The following BBS2 variants were observed in gnomAD, a reference collection of about 807,000 sequenced individuals.
BBS2 encodes the protein Bardet-Biedl syndrome 2.
Under a neutral mutation model 83.0 loss-of-function variants are expected in BBS2, and 62 were observed. The observed-to-expected ratio is 0.75, with a 90% CI of 0.61 to 0.92. The LOEUF is 0.92. BBS2 is among the 40% of genes least tolerant of loss of function. BBS2 has a pLI of 0.00. For synonymous variants in BBS2, 303 were observed against 326.1 expected, an observed-to-expected ratio of 0.93 and a Z score of 0.76; for missense variants, 784 against 901.0, an observed-to-expected ratio of 0.87 and a Z score of 1.66.
intron 17 of BBS2, chr16:56,478,799 C>T (rs759085827): frequency 6.6e-6 from 1 of 152,114 alleles, no homozygotes; most frequent in African/African-American, 2.4e-5. Context: ...AAAAGGGACT[C>T]GGGTGTCTGA....
intron 1 of BBS2, among the ~76,000 whole-genome samples, chr16:56,516,428 G>A (rs751837849): frequency 6.6e-6 from 1 of 152,160 alleles, no homozygotes; most frequent in African/African-American, 2.4e-5. Context: ...ACGGAGTCTT[G>A]CTCTATTGCC....
chr16:56,482,234 AGACTCAACAGTAG>A (rs1963674175), downstream of BBS2, among the ~76,000 whole-genome samples: 1 of 152,224 alleles, frequency 6.6e-6, no homozygotes, highest in African/African-American at 2.4e-5. Flanking sequence ...GTTAAAACAA[AGACTCAACAGTAG>A]GACTCAAGTT....
At chr16:56,482,788 C>T (rs1963684464), downstream of BBS2, among the ~76,000 whole-genome samples, 1 of 152,186 alleles carries the variant, frequency 6.6e-6, no homozygotes, top group African/African-American at 2.4e-5. Context: ...GAAGAGACTG[C>T]TAGCTATTGG....
rs368760651 is a variant in BBS2, at chr16:56,514,555, G to T, written c.243C>A (p.Gly81=). 6.2e-7 allele frequency: 1 copy of T among 1,614,054 alleles called. No homozygotes were observed. Among genetic ancestry groups the T allele is most frequent in the East Asian group, 2.2e-5 (1 of 44,868 alleles). ...CATAGCCAAGCTCAGGGTTCAATAC[G>T]CCTGCAGTCAGACAGCTGACTGCCT... The part of the protein sequence containing the change: ...INQAVSCLTA[G]VLNPELGYDA... Residue 81 remains glycine, a synonymous_variant, in exon 2 of 17, where the codon GGC becomes GGA. Transcript: ENST00000245157.
At chr16:56,502,201 G>A (rs1185406193) in intron 9 of BBS2, 116 bp downstream of exon 9, 14 of 1,399,750 alleles carry the variant, frequency 1.0e-5, no homozygotes, top group Non-Finnish European at 5.1e-6. Flanking sequence ...TTCTGACAAT[G>A]GCAAAAAGGC....
rs1318148004 is a variant in BBS2 at position 56,486,717 on chromosome 16, TACAA to T, written c.1911-983_1911-980del. 2.7e-5 allele frequency among the ~76,000 whole-genome samples: 4 copies of T among 150,110 alleles called. No individual in the cohort carries two copies. In the South Asian group the frequency reaches 6.3e-4, roughly 24 times the overall value. The stretch of plus-strand genomic sequence containing the variant: ...AACTGGAGGTTAGAAGAGGTATTGA[TACAA>T]ACAGTCACAAGAGTGACAGAAATAT... On this transcript the variant is annotated intron_variant, in intron 15 of 16. Transcript: ENST00000245157.
At chr16:56,477,549 T>G (rs1963537331) in intron 17 of BBS2, 1 of 152,350 alleles carries the variant, frequency 6.6e-6, no homozygotes, top group African/African-American at 2.4e-5. Context: ...AACTAATTGC[T>G]TTTTATTTTA....
chr16:56,506,761 C>T (rs1178715293), intron 5 of BBS2, among the ~76,000 whole-genome samples: 1 of 152,004 alleles, frequency 6.6e-6, no homozygotes, highest in Admixed American at 6.6e-5. Flanking sequence ...AAGTAAAAAC[C>T]CAGGCACGTG....
At chr16:56,513,925 G>A (rs1287380002) in intron 2 of BBS2, among the ~76,000 whole-genome samples, 2 of 152,144 alleles carry the variant, frequency 1.3e-5, no homozygotes, top group Non-Finnish European at 2.9e-5. Context: ...ACTACAAAAT[G>A]TATTCATATA....
chr16:56,514,433 G>T lies in BBS2; in HGVS notation c.345+20C>A. 1 of 1,599,272 alleles carries T rather than the reference G, an allele frequency of 6.3e-7. No homozygotes were observed. The highest frequency in any genetic ancestry group is 8.6e-7 in the Non-Finnish European group (1 of 1,166,764). The stretch of plus-strand genomic sequence containing the variant: ...ATTAATGAGTAATGACAATTTTATG[G>T]TTATAAAGGTTATACTTGCCTCTCT... On this transcript the variant is annotated intron_variant, in intron 2 of 16. Transcript: ENST00000245157.
At chr16:56,482,115 C>T (rs1357478678), downstream of BBS2, among the ~76,000 whole-genome samples, 1 of 152,106 alleles carries the variant, frequency 6.6e-6, no homozygotes, top group East Asian at 1.9e-4. Flanking sequence ...AACAGAGTGA[C>T]CTTTGATGAG....
At chr16:56,505,702 A>T (rs1434030848) in intron 7 of BBS2, among the ~76,000 whole-genome samples, 1 of 152,224 alleles carries the variant, frequency 6.6e-6, no homozygotes, top group Non-Finnish European at 1.5e-5. Flanking sequence ...TTCAAATAAG[A>T]GATTTAGACA....
chr16:56,511,413 G>C, intron 2 of BBS2, 129 bp from the exon 3 acceptor site: 1 of 1,267,276 alleles, frequency 7.9e-7, no homozygotes, highest in Non-Finnish European at 1.1e-6. Flanking sequence ...ATGTGGGTGG[G>C]CCTCACACAT....
intron 5 of BBS2, 91 bp from the exon 6 acceptor site, chr16:56,506,315 AC>A: frequency 1.1e-6 from 1 of 946,232 alleles, no homozygotes; most frequent in Admixed American, 1.9e-5. Context: ...ACTCCTTGTT[AC>A]AACTATGTTA....
chr16:56,482,965 C>T (rs1785558555), downstream of BBS2, among the ~76,000 whole-genome samples: 1 of 152,210 alleles, frequency 6.6e-6, no homozygotes, highest in Non-Finnish European at 1.5e-5. Flanking sequence ...CTCTCTTCTA[C>T]CGGCTCAGCT....
At chr16:56,500,606 C>G in intron 11 of BBS2, 1 of 416,604 alleles carries the variant, frequency 2.4e-6, no homozygotes, top group South Asian at 2.3e-5. Context: ...GCCTGGGTGA[C>G]AAAGCTAGAA....
intron 15 of BBS2, among the ~76,000 whole-genome samples, chr16:56,495,725 T>G (rs564140556): frequency 6.6e-6 from 1 of 152,062 alleles, no homozygotes; most frequent in African/African-American, 2.4e-5. Flanking sequence ...TTTTTCTAAG[T>G]GTGATATGGC....
At chr16:56,506,781 A>C (rs1964433683) in intron 5 of BBS2, among the ~76,000 whole-genome samples, 1 of 152,236 alleles carries the variant, frequency 6.6e-6, no homozygotes, top group African/African-American at 2.4e-5. Flanking sequence ...GGATTTGTGT[A>C]GTATATAACA....
At position 56,509,997 on chromosome 16, in the gene BBS2, A is replaced by C. The variant is rs774870776; in HGVS notation, c.572T>G (p.Phe191Cys). The change falls in exon 5 of 17, where the codon TTT (phenylalanine) becomes TGT (cysteine). Residue 191 changes from phenylalanine to cysteine, a missense_variant. Transcript: ENST00000245157. The part of the protein sequence containing the change: ...VGSEDFDIRV[F>C]KEDEIVAEMT... ...TTCTGCCACAATCTCATCTTCCTTA[A>C]AAACTCGGATATCAAAATCCTCAGA... The C allele has an allele frequency of 1.2e-6, 2 of 1,614,108 alleles. No homozygotes were observed. Among genetic ancestry groups the C allele is most frequent in the African/African-American group, 1.3e-5 (1 of 75,026 alleles).
Sources: allele counts gnomAD v4.1 joint callset (sites outside exome capture counted in the v4.1 genomes callset), GRCh38; gene constraint gnomAD v4.1.1; transcripts MANE v1.5; gene names NCBI Gene and HGNC (gene_info 2026-07-23, HGNC 2026-07-21).